The following FBXL17 variants were observed in gnomAD, a reference collection of about 807,000 sequenced individuals.
FBXL17 encodes F-box and leucine rich repeat protein 17, also known as F-box/LRR-repeat protein 17.
FBXL17 carries 22 observed loss-of-function variants against 66.2 expected under a neutral mutation model. The observed-to-expected ratio is 0.33, with a 90% CI of 0.24 to 0.47. The LOEUF (loss-of-function observed/expected upper bound fraction) is 0.47. Among genes scored for constraint, FBXL17 ranks in the 20% least tolerant of loss-of-function variants. The pLI is 1.00. For synonymous variants in FBXL17, 474 were observed against 400.5 expected (o/e 1.18, Z -2.19); for missense variants, 878 against 948.2 (o/e 0.93, Z 0.97).
chr5:108,203,858 A>C (rs1754000683), intron 5 of FBXL17, among the ~76,000 whole-genome samples: 1 of 152,180 alleles, frequency 6.6e-6, no homozygotes, highest in Non-Finnish European at 1.5e-5. Context: ...ATGAATGAAC[A>C]TTCTTTCAGT....
rs1247112923 is a variant in FBXL17, at chr5:108,035,674, G to A, written c.1746-14673C>T. ...GAGCCACCACATCCGGCTGGGAGAG[G>A]AAGAATTTTTACATGGCCAGCCAGC... On this transcript the variant is annotated intron_variant, in intron 6 of 8. Transcript: ENST00000542267. Among the ~76,000 whole-genome samples the A allele has an allele frequency of 2.0e-5, 3 of 152,106 alleles. No individual in the cohort carries two copies. The South Asian group carries it at 6.2e-4, about 32-fold the overall frequency.
chr5:108,219,928 CTTTTTTTT>C, intron 5 of FBXL17, among the ~76,000 whole-genome samples: 6 of 37,432 alleles, frequency 1.6e-4, no homozygotes, highest in East Asian at 1.4e-3. Flanking sequence ...TTACTATTTC[CTTTTTTTT>C]TTTTTTTTTT....
At chr5:107,873,950 G>A (rs1748534521) in intron 8 of FBXL17, among the ~76,000 whole-genome samples, 1 of 151,660 alleles carries the variant, frequency 6.6e-6, no homozygotes, top group South Asian at 2.1e-4. Flanking sequence ...CCATAACAGA[G>A]GCCAGCAAAA....
At position 108,377,424 on chromosome 5, in the gene FBXL17, C is replaced by T. The variant is rs141304083; in HGVS notation, c.993+3275G>A. Among the ~76,000 whole-genome samples the T allele has an allele frequency of 2.8e-4, 43 of 152,340 alleles. 1 individual carries two copies. In the Middle Eastern group the frequency reaches 0.01, roughly 36 times the overall value. Reference sequence around the variant, plus strand: ...CCCTACCAAGTTCAGTACATTTTATCGACAAAGGTTTTTACTCATTGCCCC... The same window carrying T: ...CCCTACCAAGTTCAGTACATTTTATTGACAAAGGTTTTTACTCATTGCCCC... On this transcript the variant is annotated intron_variant, in intron 1 of 8. Coordinates refer to ENST00000542267, the MANE Select transcript of FBXL17 (RefSeq NM_001163315.3).
intron 1 of FBXL17, among the ~76,000 whole-genome samples, chr5:108,380,477 G>C (rs1166875377): frequency 6.6e-6 from 1 of 152,192 alleles, no homozygotes; most frequent in African/African-American, 2.4e-5. Flanking sequence ...GGGTTATAGA[G>C]TCAAGCTATT....
intron 7 of FBXL17, among the ~76,000 whole-genome samples, chr5:107,944,512 C>T (rs1159713319): frequency 6.6e-6 from 1 of 151,988 alleles, no homozygotes; most frequent in Non-Finnish European, 1.5e-5. Context: ...TTGAATCTTT[C>T]AAAAAATCAA....
At chr5:107,871,758 A>C (rs553319043) in intron 8 of FBXL17, among the ~76,000 whole-genome samples, 225 of 152,228 alleles carry the variant, frequency 1.5e-3, no homozygotes, top group African/African-American at 4.7e-3. Flanking sequence ...TGAAAAAAAA[A>C]AAAAACAACA....
intron 8 of FBXL17, among the ~76,000 whole-genome samples, chr5:107,871,069 A>AAAACAAAAAAAAC (rs1554080842): frequency 7.7e-6 from 1 of 130,174 alleles, no homozygotes; most frequent in African/African-American, 3.2e-5. Flanking sequence ...AAAAAAAAAA[A>AAAACAAAAAAAAC]AAAAAAAAAA....
chr5:108,224,284 A>ATT lies in FBXL17; in HGVS notation c.1507-58_1507-57dup. ...AGGTAATAGTCCAGTGAACTCAAGG[A>ATT]TTTGGCTCCTGAAAATCCTCTCAGC... On this transcript the variant is annotated intron_variant, in intron 4 of 8. Coordinates refer to ENST00000542267, the MANE Select transcript of FBXL17 (RefSeq NM_001163315.3). The ATT allele has an allele frequency of 3.0e-6, 3 of 1,005,672 alleles. No homozygotes were observed. The South Asian group carries it at 4.6e-5, about 16-fold the overall frequency. 62.3% of individuals were successfully genotyped at this position (1,005,672 alleles called of 1,614,324 possible).
intron 8 of FBXL17, among the ~76,000 whole-genome samples, chr5:107,875,768 T>G: frequency 6.6e-6 from 1 of 152,214 alleles, no homozygotes; most frequent in Non-Finnish European, 1.5e-5. Flanking sequence ...TTGGGGCAGG[T>G]AAGGAGAAAG....
At chr5:108,222,332 C>G (rs1424107770) in intron 5 of FBXL17, among the ~76,000 whole-genome samples, 1 of 152,160 alleles carries the variant, frequency 6.6e-6, no homozygotes, top group Non-Finnish European at 1.5e-5. Flanking sequence ...CAACCAAAGG[C>G]ATTTTTACTC....
At chr5:107,887,265 A>G (rs1271203223) in intron 7 of FBXL17, among the ~76,000 whole-genome samples, 1 of 152,254 alleles carries the variant, frequency 6.6e-6, no homozygotes, top group African/African-American at 2.4e-5. Context: ...AAGTGAATGA[A>G]TTAAGTAGAG....
At chr5:108,022,146 T>TA (rs1754629247) in intron 6 of FBXL17, among the ~76,000 whole-genome samples, 1 of 151,872 alleles carries the variant, frequency 6.6e-6, no homozygotes, top group African/African-American at 2.4e-5. Flanking sequence ...AATGGAATGA[T>TA]AAACATTTCA....
chr5:108,342,339 A>G (rs943203072), intron 4 of FBXL17, among the ~76,000 whole-genome samples: 2 of 152,234 alleles, frequency 1.3e-5, no homozygotes, highest in African/African-American at 4.8e-5. Context: ...ATTAAGATTA[A>G]CACTAAATAC....
chr5:108,342,143 C>T (rs970669610), intron 4 of FBXL17, among the ~76,000 whole-genome samples: 1 of 152,066 alleles, frequency 6.6e-6, no homozygotes, highest in African/African-American at 2.4e-5. Flanking sequence ...TGTTAAGGAA[C>T]AGAGTACAGA....
At chr5:108,310,830 T>A (rs1217239442) in intron 4 of FBXL17, among the ~76,000 whole-genome samples, 4 of 152,172 alleles carry the variant, frequency 2.6e-5, no homozygotes, top group Non-Finnish European at 5.9e-5. Context: ...GGTTCCTTCT[T>A]TACACATGTC....
chr5:108,096,614 AG>A (rs1369679849), intron 6 of FBXL17, among the ~76,000 whole-genome samples: 3 of 152,326 alleles, frequency 2.0e-5, no homozygotes, highest in Middle Eastern at 3.4e-3. Flanking sequence ...AGTAAACTCC[AG>A]AAGAACAAGA....
intron 6 of FBXL17, among the ~76,000 whole-genome samples, chr5:108,071,423 C>A (rs1452902084): frequency 6.6e-6 from 1 of 152,104 alleles, no homozygotes; most frequent in African/African-American, 2.4e-5. Flanking sequence ...AAGAAAAATT[C>A]ATGTCATGAT....
chr5:108,099,183 T>A (rs286816), intron 6 of FBXL17, among the ~76,000 whole-genome samples: 115,157 of 151,788 alleles, frequency 0.76, 43,955 homozygotes, highest in East Asian at 0.92. Flanking sequence ...ACATTTTTTT[T>A]AAAAACCTGA....
Sources: allele counts gnomAD v4.1 joint callset (sites outside exome capture counted in the v4.1 genomes callset), GRCh38; gene constraint gnomAD v4.1.1; transcripts MANE v1.5; gene names NCBI Gene and HGNC (gene_info 2026-07-23, HGNC 2026-07-21).